ZFAND3: variants seen among roughly 807,000 people sequenced by gnomAD.
ZFAND3 encodes zinc finger AN1-type containing 3.
ZFAND3 carries 10 observed loss-of-function variants against 29.6 expected under a neutral mutation model. That is an observed-to-expected ratio of 0.34 (90% CI 0.21 to 0.57). The LOEUF is 0.57. ZFAND3 is among the 20% of genes least tolerant of loss of function. The pLI is 0.86. For missense variants in ZFAND3, 230 were observed against 304.5 expected (o/e 0.76, Z 1.82); for synonymous variants, 128 against 112.6 (o/e 1.14, Z -0.87).
rs1158352573 is a variant in ZFAND3, at chr6:38,152,434, T to C, written c.*45T>C. 4 of 1,499,616 alleles carry C rather than the reference T, an allele frequency of 2.7e-6. No individual in the cohort carries two copies. The highest frequency in any genetic ancestry group is 3.6e-6 in the Non-Finnish European group (4 of 1,124,598). 92.9% of individuals were successfully genotyped at this position (1,499,616 alleles called of 1,614,324 possible). A position where few individuals can be genotyped will look rare whatever the true frequency, so the allele number is the denominator to read the frequency against. ...CGTGACGCTGTTCTTAGTTCACTAATGTTAGCCTTATTTAGGACAAAGTCA... is the reference window on the plus strand; with the variant it reads ...CGTGACGCTGTTCTTAGTTCACTAACGTTAGCCTTATTTAGGACAAAGTCA... On this transcript the variant is annotated 3_prime_UTR_variant, in exon 6 of 6. Transcript: ENST00000287218.
chr6:38,110,821 G>T (rs1269029829), intron 4 of ZFAND3, among the ~76,000 whole-genome samples: 1 of 152,146 alleles, frequency 6.6e-6, no homozygotes, highest in Non-Finnish European at 1.5e-5. Context: ...TGTGAGTGTT[G>T]GCTTGTACGG....
intron 3 of ZFAND3, among the ~76,000 whole-genome samples, chr6:38,068,953 T>C (rs1764399560): frequency 6.6e-6 from 1 of 152,194 alleles, no homozygotes; most frequent in African/African-American, 2.4e-5. Context: ...CTCAGGGATA[T>C]TTAAAAAATG....
In ZFAND3 at chr6:38,153,148, C is replaced by T. The variant is rs374535001; in HGVS notation, c.*759C>T. 6.1e-6 allele frequency: 6 copies of T among 985,422 alleles called. No individual in the cohort carries two copies. The highest frequency in any genetic ancestry group is 1.1e-4 in the East Asian group (1 of 8,828). The allele number at this position is 985,422 out of a possible 1,614,324, so 61.0% of individuals were successfully genotyped here. A position where few individuals can be genotyped will look rare whatever the true frequency, so the allele number is the denominator to read the frequency against. The stretch of plus-strand genomic sequence containing the variant: ...AGCCAGAGTGCCCCGCCTCCGCCGG[C>T]TCTGGTCTGCCATTCGCCAGTGCAG... On this transcript the variant is annotated 3_prime_UTR_variant, in exon 6 of 6. Coordinates refer to ENST00000287218, the MANE Select transcript of ZFAND3 (RefSeq NM_021943.3).
chr6:37,901,274 T>G (rs893280223), intron 1 of ZFAND3, among the ~76,000 whole-genome samples: 1 of 152,112 alleles, frequency 6.6e-6, no homozygotes. Context: ...AAGGGAGATT[T>G]GAGTGGTAAA....
At chr6:37,860,657 T>TA (rs1322185796) in intron 1 of ZFAND3, among the ~76,000 whole-genome samples, 1 of 147,868 alleles carries the variant, frequency 6.8e-6, no homozygotes, top group African/African-American at 2.5e-5. Context: ...TTTTTTTTTT[T>TA]AAGTAGGTTT....
At chr6:37,864,767 A>ACG (rs1224949564) in intron 1 of ZFAND3, among the ~76,000 whole-genome samples, 1 of 147,886 alleles carries the variant, frequency 6.8e-6, no homozygotes, top group African/African-American at 2.5e-5. Flanking sequence ...ACACACACAC[A>ACG]CACATGCACA....
At chr6:37,947,295 CAATTT>C (rs1761920559) in intron 2 of ZFAND3, among the ~76,000 whole-genome samples, 1 of 152,022 alleles carries the variant, frequency 6.6e-6, no homozygotes, top group African/African-American at 2.4e-5. Flanking sequence ...GATTTAAAAA[CAATTT>C]AATTTTTTTC....
intron 1 of ZFAND3, among the ~76,000 whole-genome samples, chr6:37,850,907 T>A (rs796427276): frequency 6.6e-5 from 10 of 152,044 alleles, no homozygotes; most frequent in African/African-American, 2.4e-4. Context: ...GCCCTTTGAC[T>A]CTTTATACCC....
At chr6:37,927,924 C>G (rs1195681487) in intron 1 of ZFAND3, among the ~76,000 whole-genome samples, 1 of 152,222 alleles carries the variant, frequency 6.6e-6, no homozygotes, top group Non-Finnish European at 1.5e-5. Context: ...AAGTTACATA[C>G]CCTCTTGGGA....
intron 5 of ZFAND3, among the ~76,000 whole-genome samples, chr6:38,147,050 A>G (rs1041805464): frequency 1.3e-5 from 2 of 152,120 alleles, no homozygotes; most frequent in Admixed American, 6.6e-5. Flanking sequence ...CATTTTTGCT[A>G]AGTATAGTCA....
intron 2 of ZFAND3, among the ~76,000 whole-genome samples, chr6:37,952,028 C>T (rs1442416962): frequency 6.6e-6 from 1 of 152,166 alleles, no homozygotes; most frequent in Non-Finnish European, 1.5e-5. Context: ...TATGTTGAAA[C>T]AACCTTGCAT....
intron 2 of ZFAND3, among the ~76,000 whole-genome samples, chr6:37,962,696 C>T (rs531866394): frequency 2.6e-4 from 40 of 152,100 alleles, no homozygotes; most frequent in Non-Finnish European, 4.9e-4. Context: ...TAAAATGGAC[C>T]AATCAGCAGG....
At chr6:37,900,136 TTTTAACTG>T (rs1346624724) in intron 1 of ZFAND3, among the ~76,000 whole-genome samples, 1 of 152,202 alleles carries the variant, frequency 6.6e-6, no homozygotes, top group East Asian at 1.9e-4. Context: ...ACCAATCTTG[TTTTAACTG>T]TTTAACTGTG....
At chr6:38,115,284 C>T (rs1023778551) in intron 4 of ZFAND3, among the ~76,000 whole-genome samples, 5 of 152,024 alleles carry the variant, frequency 3.3e-5, no homozygotes, top group African/African-American at 1.2e-4. Flanking sequence ...AGGTAGGAGA[C>T]AATAAGGAGG....
intron 2 of ZFAND3, among the ~76,000 whole-genome samples, chr6:38,050,554 CT>C (rs1764006868): frequency 6.6e-6 from 1 of 152,098 alleles, no homozygotes; most frequent in Admixed American, 6.5e-5. Flanking sequence ...GAACTTTTCC[CT>C]GTTTGCTTGG....
chr6:37,998,480 T>G (rs1762890304), intron 2 of ZFAND3, among the ~76,000 whole-genome samples: 2 of 148,714 alleles, frequency 1.3e-5, no homozygotes, highest in South Asian at 4.2e-4. Flanking sequence ...CAGGATAGAA[T>G]GCAGAATGTT....
At chr6:37,982,194 G>C (rs915027870) in intron 2 of ZFAND3, among the ~76,000 whole-genome samples, 5 of 151,124 alleles carry the variant, frequency 3.3e-5, no homozygotes, top group African/African-American at 1.2e-4. Context: ...CAAATGGTGA[G>C]GGAGGTATGT....
chr6:37,875,437 TA>T (rs1211992005), intron 1 of ZFAND3, among the ~76,000 whole-genome samples: 2 of 152,188 alleles, frequency 1.3e-5, no homozygotes, highest in Non-Finnish European at 2.9e-5. Context: ...GCTGTTCTGT[TA>T]ATTCATTTTT....
chr6:37,849,969 C>A (rs908667658), intron 1 of ZFAND3, among the ~76,000 whole-genome samples: 1 of 152,152 alleles, frequency 6.6e-6, no homozygotes, highest in African/African-American at 2.4e-5. Flanking sequence ...TTCTGTCTAT[C>A]CTTGCTGCTG....
Sources: gnomAD v4.1 joint callset for allele counts (sites outside exome capture counted in the v4.1 genomes callset) on GRCh38, gnomAD v4.1.1 for gene constraint, MANE v1.5 for transcripts, NCBI Gene and HGNC (gene_info 2026-07-23, HGNC 2026-07-21) for gene names.